The following AGL variants were observed in gnomAD, a reference collection of about 807,000 sequenced individuals.
AGL encodes glycogen debranching enzyme.
In AGL, 128 loss-of-function variants were observed where a neutral mutation model predicts 199.3. The observed-to-expected ratio is 0.64, with a 90% CI of 0.56 to 0.74. AGL has a LOEUF of 0.74. Among genes scored for constraint, AGL ranks in the 30% least tolerant of loss-of-function variants. The pLI is 0.00. For synonymous variants in AGL, 584 were observed against 594.7 expected, an observed-to-expected ratio of 0.98 and a Z score of 0.26; for missense variants, 1,809 against 1,820.8, an observed-to-expected ratio of 0.99 and a Z score of 0.12.
At chr1:99,872,023 TAAG>T (rs371335673) in intron 7 of AGL, among the ~76,000 whole-genome samples, 34 of 152,210 alleles carry the variant, frequency 2.2e-4, no homozygotes, top group South Asian at 8.3e-4. Flanking sequence ...CACATGCAAA[TAAG>T]AACATAAATT....
chr1:99,866,495 A>G (rs945290194), intron 5 of AGL, among the ~76,000 whole-genome samples: 1 of 152,198 alleles, frequency 6.6e-6, no homozygotes, highest in African/African-American at 2.4e-5. Flanking sequence ...CTTTTTGGGT[A>G]TGATATGATA....
At chr1:99,865,842 A>T (rs1041704923) in intron 5 of AGL, among the ~76,000 whole-genome samples, 5 of 152,224 alleles carry the variant, frequency 3.3e-5, no homozygotes, top group African/African-American at 1.2e-4. Flanking sequence ...TCTAATCATA[A>T]TGGCAAAGTT....
chr1:99,900,957 C>T, intron 26 of AGL, 96 bp downstream of exon 26: 1 of 1,116,712 alleles, frequency 9.0e-7, no homozygotes, highest in Non-Finnish European at 1.3e-6. Flanking sequence ...ATTAAGAATC[C>T]AAATCTTACG....
At chr1:99,893,851 T>C (rs1340782729) in intron 24 of AGL, among the ~76,000 whole-genome samples, 1 of 152,150 alleles carries the variant, frequency 6.6e-6, no homozygotes, top group Non-Finnish European at 1.5e-5. Context: ...GGGGTTCATT[T>C]TAAACTGATT....
chr1:99,919,158 TCTG>T (rs1234967537), intron 33 of AGL, among the ~76,000 whole-genome samples: 2 of 152,234 alleles, frequency 1.3e-5, no homozygotes, highest in African/African-American at 4.8e-5. Flanking sequence ...CTCAAGGAAG[TCTG>T]CCAGGCTCCA....
In AGL at chr1:99,902,691, A is replaced by G. The variant is rs751742091; in HGVS notation, c.3597A>G (p.Pro1199=). The change falls in exon 27 of 34, where the codon CCA becomes CCG. Residue 1199 remains proline, a synonymous_variant. Coordinates refer to ENST00000361915, the MANE Select transcript of AGL (RefSeq NM_000642.3). ...APLPAGTLDQ[P]LFEVIQEAMQ... is the part of the protein sequence containing the mutation. ...CATTATGTCTCAAACAGGATCAGCC[A>G]TTGTTTGAAGTCATACAGGAAGCAA... 6.2e-7 allele frequency: 1 copy of G among 1,611,624 alleles called. No homozygotes were observed. Among genetic ancestry groups the G allele is most frequent in the South Asian group, 1.1e-5 (1 of 91,026 alleles).
intron 27 of AGL, among the ~76,000 whole-genome samples, chr1:99,910,228 T>G (rs1467435034): frequency 2.6e-5 from 4 of 152,176 alleles, no homozygotes; most frequent in Admixed American, 1.3e-4. Flanking sequence ...ATTTCTCATC[T>G]GTCACTCTCA....
chr1:99,850,899 G>T (rs1160264785), intron 1 of AGL, 76 bp from the exon 2 acceptor site: 5 of 757,562 alleles, frequency 6.6e-6, no homozygotes, highest in Non-Finnish European at 1.2e-5. Context: ...CTTCGAACAT[G>T]TAAGTGCCGC....
At chr1:99,917,986 C>A (rs1030294649) in intron 33 of AGL, among the ~76,000 whole-genome samples, 2 of 152,054 alleles carry the variant, frequency 1.3e-5, no homozygotes, top group Non-Finnish European at 2.9e-5. Flanking sequence ...ATTTTCAGTG[C>A]TCTTCATATG....
intron 27 of AGL, among the ~76,000 whole-genome samples, chr1:99,903,851 C>G (rs1654042675): frequency 6.6e-6 from 1 of 152,154 alleles, no homozygotes; most frequent in Non-Finnish European, 1.5e-5. Context: ...GATGGTATCT[C>G]ATTGTGGTTT....
In AGL at chr1:99,884,157, TGAGA is replaced by T. The variant is rs774652075; in HGVS notation, c.2349_2352del (p.Arg784ThrfsTer20). 6.8e-6 allele frequency: 11 copies of T among 1,612,910 alleles called. No individual in the cohort carries two copies. The highest frequency in any genetic ancestry group is 9.3e-6 in the Non-Finnish European group (11 of 1,179,124). ...AAGTAGTTCTTGAAGCTAGAACTAT[TGAGA>T]GAAACACGAAACCTTATAGGAAGGA... is the stretch of plus-strand genomic sequence containing the variant. On this transcript the variant is annotated frameshift_variant, in exon 18 of 34. Coordinates refer to ENST00000361915, the MANE Select transcript of AGL (RefSeq NM_000642.3). LOFTEE classifies it high-confidence loss of function.
chr1:99,864,388 TACA>T lies in AGL; in HGVS notation c.467_469del (p.Asn156del). On this transcript the variant is annotated inframe_deletion, in exon 5 of 34. Transcript: ENST00000361915. Reference sequence around the variant, plus strand: ...TCTTTCCTTTATTTGCTTTGCAGGCTACAACATGATTCATTTTACCCCATTGCA... The same window carrying T: ...TCTTTCCTTTATTTGCTTTGCAGGCTACATGATTCATTTTACCCCATTGCA... 6.2e-7 allele frequency: 1 copy of T among 1,613,096 alleles called. No individual in the cohort carries two copies. The highest frequency in any genetic ancestry group is 8.5e-7 in the Non-Finnish European group (1 of 1,179,150).
chr1:99,904,126 G>A (rs901837305), intron 27 of AGL, among the ~76,000 whole-genome samples: 39 of 152,086 alleles, frequency 2.6e-4, no homozygotes, highest in African/African-American at 9.4e-4. Context: ...AGGTTTATTT[G>A]TATATGGTAT....
At chr1:99,857,810 G>C (rs1413402435) in intron 2 of AGL, among the ~76,000 whole-genome samples, 3 of 141,594 alleles carry the variant, frequency 2.1e-5, no homozygotes, top group African/African-American at 7.7e-5. Flanking sequence ...TGGGGAGGGG[G>C]AGGGGGGAGA....
At chr1:99,858,853 A>G (rs546610581) in intron 2 of AGL, among the ~76,000 whole-genome samples, 5 of 151,922 alleles carry the variant, frequency 3.3e-5, no homozygotes, top group African/African-American at 1.2e-4. Context: ...TTTCATTTAT[A>G]TCTTATCCCA....
rs777319653 is a variant in AGL, at chr1:99,870,387, CT to C, written c.665-8del. The C allele has an allele frequency of 1.9e-6, 3 of 1,612,694 alleles. No individual in the cohort carries two copies. The highest frequency in any genetic ancestry group is 1.7e-6 in the Non-Finnish European group (2 of 1,178,870). On this transcript the variant is annotated splice_polypyrimidine_tract_variant and intron_variant, in intron 5 of 33. Coordinates refer to ENST00000361915, the MANE Select transcript of AGL (RefSeq NM_000642.3). ...ATTATGAGATACTCCTTTGTGTCTC[CT>C]TTTTCCTTCAGCTGCTAATAGTAAA...
In AGL at chr1:99,881,907, C is replaced by A. The variant is rs1389381; in HGVS notation, c.2308+216C>A. 0.14 allele frequency among the ~76,000 whole-genome samples: 20,573 copies of A among 151,764 alleles called. 1,489 individuals are homozygous for A. The highest frequency in any genetic ancestry group is 0.18 in the Middle Eastern group (53 of 294). On this transcript the variant is annotated intron_variant, in intron 17 of 33. Transcript: ENST00000361915. ...CAACACCTCAGGAGGCTGAGGCAGG[C>A]AGATCACTTGAGCTCAGGAGTTCAA...
intron 26 of AGL, among the ~76,000 whole-genome samples, chr1:99,901,572 T>C (rs1443196260): frequency 6.6e-6 from 1 of 152,070 alleles, no homozygotes; most frequent in Non-Finnish European, 1.5e-5. Context: ...TAAGAGATTA[T>C]GGAAAGGGTG....
intron 25 of AGL, among the ~76,000 whole-genome samples, chr1:99,897,268 C>T (rs1653407110): frequency 6.6e-6 from 1 of 152,070 alleles, no homozygotes; most frequent in Admixed American, 6.5e-5. Context: ...ATTCTTGGAC[C>T]CTATGCCAAA....
Sources: gnomAD v4.1 joint callset for allele counts (sites outside exome capture counted in the v4.1 genomes callset) on GRCh38, gnomAD v4.1.1 for gene constraint, MANE v1.5 for transcripts, NCBI Gene and HGNC (gene_info 2026-07-23, HGNC 2026-07-21) for gene names.